NPIPB9: variants seen among roughly 807,000 people sequenced by gnomAD.
NPIPB9 encodes the protein nuclear pore complex interacting protein family member B9.
A neutral mutation model predicts 5.6 loss-of-function variants in NPIPB9; 1 was observed. The ratio of observed to expected loss-of-function variants is 0.18; its 90% CI spans 0.06 to 0.84. The LOEUF (loss-of-function observed/expected upper bound fraction) is 0.84, where lower values mean the gene tolerates loss of function less well. Among genes scored for constraint, NPIPB9 ranks in the 40% least tolerant of loss-of-function variants. The pLI, the probability that NPIPB9 is intolerant of heterozygous loss-of-function variation, is 0.70. For missense variants in NPIPB9, 3 were observed against 39.1 expected (o/e 0.08, Z 2.46); for synonymous variants, 2 against 12.5 (o/e 0.16, Z 1.77).
At chr16:28,753,531 TACAC>T (rs1158927991) in intron 1 of NPIPB9, among the ~76,000 whole-genome samples, 1,814 of 41,912 alleles carry the variant, frequency 0.043, 243 homozygotes, top group African/African-American at 0.1. Flanking sequence ...CACACATACA[TACAC>T]ACACACACAC....
At chr16:28,765,481 A>G (rs2049145360) in intron 3 of NPIPB9, among the ~76,000 whole-genome samples, 1 of 29,272 alleles carries the variant, frequency 3.4e-5, no homozygotes, top group Non-Finnish European at 6.2e-5. Context: ...GCACAATCTC[A>G]GCTCACCACA....
rs377738181 is a variant in NPIPB9, at chr16:28,754,840, A to C, written c.25+2248A>C. 1.5e-4 allele frequency among the ~76,000 whole-genome samples: 21 copies of C among 140,806 alleles called. No individual in the cohort carries two copies. The East Asian group carries it at 4.0e-3, about 27-fold the overall frequency. 92.4% of individuals were successfully genotyped at this position (140,806 alleles called of 152,430 possible). ...AGAGCTGCACAAAATCATCACCAACATGATGAAACAGAGTAGACTTCAGAA... is the reference window on the plus strand; with the variant it reads ...AGAGCTGCACAAAATCATCACCAACCTGATGAAACAGAGTAGACTTCAGAA... On this transcript the variant is annotated intron_variant, in intron 1 of 7. Coordinates refer to ENST00000550983, the Ensembl canonical transcript of NPIPB9.
chr16:28,758,674 C>G, intron 2 of NPIPB9: 1 of 358,708 alleles, frequency 2.8e-6, no homozygotes, highest in Non-Finnish European at 5.1e-6. Context: ...CTGTCCTGGC[C>G]GCCTCAGGGC....
intron 3 of NPIPB9, among the ~76,000 whole-genome samples, chr16:28,765,091 T>C (rs2049117134): frequency 1.8e-5 from 1 of 55,292 alleles, no homozygotes; most frequent in African/African-American, 7.0e-5. Context: ...GTGTGAAGTA[T>C]ATTCATGTCA....
intron 1 of NPIPB9, among the ~76,000 whole-genome samples, chr16:28,753,531 TAC>T (rs1158927991): frequency 0.055 from 2,305 of 41,918 alleles, 260 homozygotes; most frequent in East Asian, 0.17. Flanking sequence ...CACACATACA[TAC>T]ACACACACAC....
chr16:28,756,164 T>G (rs2048806104), intron 1 of NPIPB9, among the ~76,000 whole-genome samples: 1 of 94,430 alleles, frequency 1.1e-5, no homozygotes. Flanking sequence ...TGGTCTCTCC[T>G]TTTACAACCA....
At chr16:28,769,457 A>T in intron 5 of NPIPB9, 1 of 348,336 alleles carries the variant, frequency 2.9e-6, no homozygotes, top group Non-Finnish European at 3.6e-6. Context: ...TCTCCCTTCT[A>T]ACCTGAGGAA....
chr16:28,758,474 C>A, intron 2 of NPIPB9: 2 of 119,348 alleles, frequency 1.7e-5, no homozygotes, highest in Non-Finnish European at 1.8e-5. Context: ...CCACCTCCTC[C>A]AGGTGCCCAA....
chr16:28,752,411 CTT>C, exon 1 of NPIPB9: 1 of 1,308,638 alleles, frequency 7.6e-7, no homozygotes, highest in South Asian at 1.3e-5. Flanking sequence ...TCATTCAACA[CTT>C]TTTTTTTAAA....
intron 1 of NPIPB9, among the ~76,000 whole-genome samples, chr16:28,754,810 G>C (rs2048757750): frequency 7.0e-6 from 1 of 143,256 alleles, no homozygotes; most frequent in African/African-American, 2.5e-5. Flanking sequence ...GGTGGAGTTT[G>C]TCCCAGAGCT....
chr16:28,754,653 A>G (rs1692826548), intron 1 of NPIPB9, among the ~76,000 whole-genome samples: 1 of 95,710 alleles, frequency 1.0e-5, no homozygotes, highest in Non-Finnish European at 2.1e-5. Flanking sequence ...CCAAGAGAGA[A>G]CCTGAAATAC....
chr16:28,756,267 C>G (rs1416394499), intron 1 of NPIPB9, among the ~76,000 whole-genome samples: 1 of 130,864 alleles, frequency 7.6e-6, no homozygotes, highest in East Asian at 2.2e-4. Context: ...TGCAATGGTA[C>G]GATCTCGGCT....
intron 7 of NPIPB9, chr16:28,771,480 CAAG>C: frequency 1.8e-6 from 1 of 564,824 alleles, no homozygotes; most frequent in Non-Finnish European, 2.0e-6. Context: ...GATCCTTTGT[CAAG>C]AAGGGAAACA....
At chr16:28,752,354 TG>T in exon 1 of NPIPB9, 1 of 682,160 alleles carries the variant, frequency 1.5e-6, no homozygotes, top group South Asian at 1.8e-5. Flanking sequence ...TGTCCTTTTC[TG>T]AAGCCCTTGA....
intron 3 of NPIPB9, among the ~76,000 whole-genome samples, chr16:28,765,113 T>C: frequency 1.7e-5 from 1 of 60,592 alleles, no homozygotes. Flanking sequence ...TTTTTTTTTT[T>C]TTTTTTTTTG....
chr16:28,756,611 GTCTC>G (rs1425932095), intron 1 of NPIPB9, among the ~76,000 whole-genome samples: 4 of 41,200 alleles, frequency 9.7e-5, no homozygotes, highest in African/African-American at 2.8e-4. Flanking sequence ...TGAGACAAGA[GTCTC>G]TCTCTGTCGC....
chr16:28,760,304 C>A, intron 2 of NPIPB9, among the ~76,000 whole-genome samples: 1 of 46,774 alleles, frequency 2.1e-5, no homozygotes, highest in Non-Finnish European at 4.3e-5. Flanking sequence ...TCATGATCTC[C>A]ACCTTGGTAA....
rs1240421644 is a variant in NPIPB9 at position 28,767,189 on chromosome 16, G to A, written c.590+700G>A. On this transcript the variant is annotated intron_variant, in intron 5 of 7. Transcript: ENST00000550983. The stretch of plus-strand genomic sequence containing the variant: ...ATTACAGGTGTGTGCCACCACATTC[G>A]GCCAATTTTTTTTTTTTTTTTTTTG... 4.8e-5 allele frequency among the ~76,000 whole-genome samples: 3 copies of A among 63,044 alleles called. 1 individual carries two copies. The highest frequency in any genetic ancestry group is 9.6e-5 in the Non-Finnish European group (3 of 31,128). The allele number at this position is 63,044 out of a possible 152,430, so 41.4% of individuals were successfully genotyped here.
chr16:28,767,246 A>T lies in NPIPB9; in HGVS notation c.590+757A>T, dbSNP rs1162139305. On this transcript the variant is annotated intron_variant, in intron 5 of 7. Transcript: ENST00000550983. ...AGTCTCACTCTGTCACCCAGGCTAG[A>T]GTGCAGTGGCATGATCTTGGCTCAC... is the stretch of plus-strand genomic sequence containing the variant. 4.1e-5 allele frequency among the ~76,000 whole-genome samples: 4 copies of T among 97,614 alleles called. 1 individual carries two copies. The highest frequency in any genetic ancestry group is 8.9e-5 in the Non-Finnish European group (4 of 44,700). The allele number at this position is 97,614 out of a possible 152,430, so 64.0% of individuals were successfully genotyped here.
Sources: gnomAD v4.1 joint callset for allele counts (sites outside exome capture counted in the v4.1 genomes callset) on GRCh38, gnomAD v4.1.1 for gene constraint, MANE v1.5 for transcripts, NCBI Gene and HGNC (gene_info 2026-07-23, HGNC 2026-07-21) for gene names.